CTNNA3: variants seen among roughly 807,000 people sequenced by gnomAD.
CTNNA3 encodes catenin alpha-3.
A neutral mutation model predicts 95.7 loss-of-function variants in CTNNA3; 76 were observed. That is an observed-to-expected ratio of 0.79 (90% confidence interval 0.66 to 0.96). CTNNA3 has a LOEUF of 0.96. CTNNA3 is among the 40% of genes least tolerant of loss of function. The pLI is 0.00. For synonymous variants in CTNNA3, 431 were observed against 374.4 expected, an observed-to-expected ratio of 1.15 and a Z score of -1.74; for missense variants, 1,191 against 1,089.8, an observed-to-expected ratio of 1.09 and a Z score of -1.31.
intron 1 of CTNNA3, among the ~76,000 whole-genome samples, chr10:67,723,193 G>A (rs1371455784): frequency 6.6e-6 from 1 of 151,774 alleles, no homozygotes; most frequent in African/African-American, 2.4e-5. Flanking sequence ...TGCCATATTG[G>A]CCAGGCTGGT....
chr10:66,859,516 A>G (rs1843818794), intron 7 of CTNNA3, among the ~76,000 whole-genome samples: 1 of 152,098 alleles, frequency 6.6e-6, no homozygotes, highest in South Asian at 2.1e-4. Flanking sequence ...TCAGGAAACA[A>G]CAGGTGCTGG....
At chr10:66,129,507 G>A (rs1011090933) in intron 13 of CTNNA3, among the ~76,000 whole-genome samples, 8 of 152,102 alleles carry the variant, frequency 5.3e-5, no homozygotes, top group Middle Eastern at 3.2e-3. Flanking sequence ...CCTTAAGCTC[G>A]ACTTGCTTCC....
At chr10:66,320,067 G>A (rs2092159855) in intron 12 of CTNNA3, among the ~76,000 whole-genome samples, 1 of 152,028 alleles carries the variant, frequency 6.6e-6, no homozygotes. Flanking sequence ...TACGTTGTGG[G>A]GCTGTTGTGA....
intron 5 of CTNNA3, among the ~76,000 whole-genome samples, chr10:67,399,993 T>C (rs1844857797): frequency 6.6e-6 from 1 of 152,158 alleles, no homozygotes; most frequent in Non-Finnish European, 1.5e-5. Context: ...TATGTATACA[T>C]GGGCCATGTT....
At chr10:67,213,815 A>C (rs1332517519) in intron 6 of CTNNA3, among the ~76,000 whole-genome samples, 3 of 151,698 alleles carry the variant, frequency 2.0e-5, no homozygotes, top group African/African-American at 7.2e-5. Flanking sequence ...GAAAATCATG[A>C]CTCAGTATGC....
intron 11 of CTNNA3, among the ~76,000 whole-genome samples, chr10:66,413,642 A>G (rs941048834): frequency 3.3e-5 from 5 of 152,200 alleles, no homozygotes; most frequent in African/African-American, 7.2e-5. Flanking sequence ...TAATACCACT[A>G]ATGTATGATT....
intron 10 of CTNNA3, among the ~76,000 whole-genome samples, chr10:66,521,387 T>G (rs943060135): frequency 6.6e-6 from 1 of 152,160 alleles, no homozygotes; most frequent in Admixed American, 6.6e-5. Context: ...CCAGTCTTTT[T>G]TACATTATTA....
At chr10:66,801,765 A>G (rs964538886) in intron 7 of CTNNA3, among the ~76,000 whole-genome samples, 1 of 151,680 alleles carries the variant, frequency 6.6e-6, no homozygotes, top group African/African-American at 2.4e-5. Flanking sequence ...TTCTAATTTT[A>G]TGTGGAAATG....
At chr10:66,365,654 T>C (rs2092706058) in intron 12 of CTNNA3, among the ~76,000 whole-genome samples, 1 of 152,164 alleles carries the variant, frequency 6.6e-6, no homozygotes. Context: ...ATCTGCCTCC[T>C]GGTATTCATG....
At chr10:66,830,656 C>T (rs1443164657) in intron 7 of CTNNA3, among the ~76,000 whole-genome samples, 1 of 151,710 alleles carries the variant, frequency 6.6e-6, no homozygotes, top group Non-Finnish European at 1.5e-5. Flanking sequence ...GTTGCCCAGG[C>T]TGGAGTGCAG....
intron 9 of CTNNA3, among the ~76,000 whole-genome samples, chr10:66,744,894 T>A (rs1486630606): frequency 6.6e-6 from 1 of 152,140 alleles, no homozygotes; most frequent in African/African-American, 2.4e-5. Context: ...AATAAAATAT[T>A]TCAGAAGTCA....
At chr10:67,267,334 A>G (rs1363155993) in intron 5 of CTNNA3, among the ~76,000 whole-genome samples, 1 of 152,162 alleles carries the variant, frequency 6.6e-6, no homozygotes, top group Non-Finnish European at 1.5e-5. Context: ...GTGTGTGTGC[A>G]TGTAAAAGCG....
intron 7 of CTNNA3, among the ~76,000 whole-genome samples, chr10:67,038,752 G>A (rs1002878666): frequency 2.0e-5 from 3 of 152,036 alleles, no homozygotes; most frequent in Non-Finnish European, 4.4e-5. Context: ...GGCAGAACCA[G>A]GAGTTCAATA....
chr10:67,571,004 C>G (rs1453321058), intron 3 of CTNNA3, among the ~76,000 whole-genome samples: 1 of 152,084 alleles, frequency 6.6e-6, no homozygotes, highest in Non-Finnish European at 1.5e-5. Context: ...GGCATCCTTA[C>G]AAAATTTTTT....
intron 3 of CTNNA3, among the ~76,000 whole-genome samples, chr10:67,546,103 A>C (rs549211340): frequency 3.3e-5 from 5 of 152,176 alleles, no homozygotes; most frequent in African/African-American, 4.8e-5. Context: ...TTTTCAAAAA[A>C]TTGACCAAGT....
chr10:67,173,890 C>A (rs770090803), intron 7 of CTNNA3, among the ~76,000 whole-genome samples: 2 of 152,192 alleles, frequency 1.3e-5, no homozygotes, highest in Non-Finnish European at 2.9e-5. Flanking sequence ...AAGTGAATGA[C>A]TGACCTGCCC....
intron 7 of CTNNA3, among the ~76,000 whole-genome samples, chr10:67,047,586 T>C (rs1854833698): frequency 1.3e-5 from 2 of 152,152 alleles, no homozygotes; most frequent in Non-Finnish European, 2.9e-5. Flanking sequence ...TTTACCTTCA[T>C]CGTTTCAGGC....
intron 9 of CTNNA3, among the ~76,000 whole-genome samples, chr10:66,623,562 A>G (rs1026946200): frequency 1.3e-5 from 2 of 152,054 alleles, no homozygotes; most frequent in Non-Finnish European, 2.9e-5. Flanking sequence ...ACAACCCTCT[A>G]ATGAAAATAC....
chr10:67,421,385 TTTG>T (rs1845745146), intron 5 of CTNNA3, among the ~76,000 whole-genome samples: 1 of 152,232 alleles, frequency 6.6e-6, no homozygotes, highest in South Asian at 2.1e-4. Context: ...TCAGGGTGTT[TTTG>T]TTGTTATTTT....
Sources: allele counts gnomAD v4.1 joint callset (sites outside exome capture counted in the v4.1 genomes callset), GRCh38; gene constraint gnomAD v4.1.1; transcripts MANE v1.5; gene names NCBI Gene and HGNC (gene_info 2026-07-23, HGNC 2026-07-21).